The following DLGAP2 variants were observed in gnomAD, a reference collection of about 807,000 sequenced individuals.
The protein encoded by DLGAP2 is disks large-associated protein 2.
Under a neutral mutation model 100.3 loss-of-function variants are expected in DLGAP2, and 26 were observed. The ratio of observed to expected loss-of-function variants is 0.26; its 90% CI spans 0.19 to 0.36. The LOEUF is 0.36. Ranked by LOEUF, DLGAP2 falls within the 10% of genes least tolerant of loss-of-function variation. The probability of loss-of-function intolerance (pLI) is 1.00; values close to 1 mark genes in which losing one functional copy is unlikely to be tolerated. For missense variants in DLGAP2, 1,858 were observed against 1,453.2 expected (o/e 1.28, Z -4.53); for synonymous variants, 886 against 630.1 (o/e 1.41, Z -6.08).
intron 2 of DLGAP2, among the ~76,000 whole-genome samples, chr8:1,052,848 G>A (rs1402946698): frequency 6.6e-6 from 1 of 152,134 alleles, no homozygotes; most frequent in Non-Finnish European, 1.5e-5. Flanking sequence ...AACCTGTAAG[G>A]AGGATAGAAC....
chr8:1,421,967 AAAAAAAG>A (rs908246356), intron 3 of DLGAP2, among the ~76,000 whole-genome samples: 32 of 151,642 alleles, frequency 2.1e-4, no homozygotes, highest in South Asian at 4.1e-4. Flanking sequence ...CTCCATCTCA[AAAAAAAG>A]AAAAAAGAAA....
chr8:923,848 A>G (rs1200997608), intron 2 of DLGAP2, among the ~76,000 whole-genome samples: 2 of 152,240 alleles, frequency 1.3e-5, no homozygotes, highest in African/African-American at 2.4e-5. Context: ...AAAGGTCTAA[A>G]GTTTATGAGA....
intron 2 of DLGAP2, among the ~76,000 whole-genome samples, chr8:1,146,571 GTGTGTATGCACA>G (rs1796610473): frequency 3.3e-5 from 5 of 149,828 alleles, no homozygotes; most frequent in African/African-American, 9.7e-5. Context: ...GTGCACATGT[GTGTGTATGCACA>G]TGTGTGTGCA....
At chr8:853,283 C>A (rs1797214939) in intron 1 of DLGAP2, among the ~76,000 whole-genome samples, 2 of 152,184 alleles carry the variant, frequency 1.3e-5, no homozygotes, top group South Asian at 2.1e-4. Flanking sequence ...ATGGAAGCTT[C>A]CAGAGCTGTT....
chr8:1,325,142 C>T (rs1442146133), intron 3 of DLGAP2, among the ~76,000 whole-genome samples: 2 of 152,226 alleles, frequency 1.3e-5, no homozygotes, highest in African/African-American at 4.8e-5. Flanking sequence ...CTCACCTCTG[C>T]AGGGTCACTT....
intron 3 of DLGAP2, among the ~76,000 whole-genome samples, chr8:1,445,017 AC>A (rs1428519049): frequency 6.8e-6 from 1 of 146,750 alleles, no homozygotes; most frequent in Non-Finnish European, 1.5e-5. Context: ...TGATCCACCC[AC>A]CTCGGCCTCC....
At chr8:1,242,655 C>T (rs551787557) in intron 2 of DLGAP2, among the ~76,000 whole-genome samples, 8 of 152,182 alleles carry the variant, frequency 5.3e-5, no homozygotes, top group African/African-American at 1.9e-4. Flanking sequence ...TCTTAGGATT[C>T]CCTGATTAAC....
chr8:1,203,700 G>A (rs180785767), intron 2 of DLGAP2, among the ~76,000 whole-genome samples: 445 of 152,238 alleles, frequency 2.9e-3, no homozygotes, highest in Non-Finnish European at 5.0e-3. Flanking sequence ...CCTTATTCTC[G>A]CTCTATACCC....
chr8:1,267,364 G>C (rs1395005834), intron 3 of DLGAP2, among the ~76,000 whole-genome samples: 1 of 151,230 alleles, frequency 6.6e-6, no homozygotes, highest in Admixed American at 6.6e-5. Context: ...TCAGGAGCTT[G>C]AGACCAGTCT....
intron 3 of DLGAP2, among the ~76,000 whole-genome samples, chr8:1,457,417 T>A (rs1295816675): frequency 1.3e-5 from 2 of 152,116 alleles, no homozygotes. Context: ...CGTAAGAAAT[T>A]TACTGAGAAA....
At chr8:1,173,726 C>G (rs950645527) in intron 2 of DLGAP2, among the ~76,000 whole-genome samples, 1 of 152,162 alleles carries the variant, frequency 6.6e-6, no homozygotes, top group African/African-American at 2.4e-5. Flanking sequence ...TTTTTAAGCC[C>G]ATCGGAAAAA....
chr8:1,257,757 C>T lies in DLGAP2; in HGVS notation c.74-1094C>T, dbSNP rs141798254. Among the ~76,000 whole-genome samples, 446 of 151,634 alleles carry T rather than the reference C, an allele frequency of 2.9e-3. 1 individual carries two copies. Among genetic ancestry groups the T allele is most frequent in the African/African-American group, 0.01 (421 of 41,256 alleles). Reference sequence around the variant, plus strand: ...GCAGGCCAGCGCTGACGTGGAAGAGCCGGTGTCCTCCCGAGGGCCCGTGCA... The same window carrying T: ...GCAGGCCAGCGCTGACGTGGAAGAGTCGGTGTCCTCCCGAGGGCCCGTGCA... On this transcript the variant is annotated intron_variant, in intron 2 of 14. Coordinates refer to ENST00000637795, the MANE Select transcript of DLGAP2 (RefSeq NM_001346810.2).
At chr8:1,584,029 C>T (rs994484873) in intron 6 of DLGAP2, among the ~76,000 whole-genome samples, 2 of 152,064 alleles carry the variant, frequency 1.3e-5, no homozygotes, top group Admixed American at 1.3e-4. Flanking sequence ...CCTCACTGCT[C>T]GTGCTTGTCT....
chr8:1,332,402 T>C (rs1018059129), intron 3 of DLGAP2, among the ~76,000 whole-genome samples: 2 of 152,128 alleles, frequency 1.3e-5, no homozygotes, highest in Admixed American at 1.3e-4. Context: ...TGTGTCTGCA[T>C]GTGTGAGTAT....
intron 4 of DLGAP2, among the ~76,000 whole-genome samples, chr8:1,519,368 T>C (rs1049550134): frequency 1.3e-5 from 2 of 152,218 alleles, no homozygotes; most frequent in African/African-American, 4.8e-5. Flanking sequence ...CCAGGTTCAC[T>C]GACTGCCCGA....
At chr8:1,616,407 T>G (rs1563258753) in intron 6 of DLGAP2, among the ~76,000 whole-genome samples, 1 of 152,028 alleles carries the variant, frequency 6.6e-6, no homozygotes, top group Non-Finnish European at 1.5e-5. Flanking sequence ...CAGTGAACTC[T>G]AAGAAGATAA....
chr8:1,483,617 G>T (rs529137502), intron 3 of DLGAP2, among the ~76,000 whole-genome samples: 1 of 148,702 alleles, frequency 6.7e-6, no homozygotes, highest in Non-Finnish European at 1.5e-5. Context: ...AGGCTGAACT[G>T]CTGTGCAGGA....
intron 1 of DLGAP2, among the ~76,000 whole-genome samples, chr8:806,162 G>T (rs1213076162): frequency 1.3e-5 from 2 of 152,226 alleles, no homozygotes; most frequent in East Asian, 3.8e-4. Flanking sequence ...CAGCTGACTT[G>T]ACTAATCGGA....
At chr8:1,020,267 C>G (rs7826110) in intron 2 of DLGAP2, among the ~76,000 whole-genome samples, 1 of 152,002 alleles carries the variant, frequency 6.6e-6, no homozygotes, top group Non-Finnish European at 1.5e-5. Flanking sequence ...AACCCTGAAG[C>G]GTATTAGAAA....
Sources: allele counts gnomAD v4.1 joint callset (sites outside exome capture counted in the v4.1 genomes callset), GRCh38; gene constraint gnomAD v4.1.1; transcripts MANE v1.5; gene names NCBI Gene and HGNC (gene_info 2026-07-23, HGNC 2026-07-21).